The following COLGALT2 variants were observed in gnomAD, a reference collection of about 807,000 sequenced individuals.
The protein encoded by COLGALT2 is collagen beta(1-O)galactosyltransferase 2.
Under a neutral mutation model 73.4 loss-of-function variants are expected in COLGALT2, and 49 were observed. The ratio of observed to expected loss-of-function variants is 0.67; its 90% CI spans 0.53 to 0.85. The LOEUF is 0.85. Ranked by LOEUF, COLGALT2 falls within the 40% of genes least tolerant of loss-of-function variation. COLGALT2 has a pLI of 0.00. For synonymous variants in COLGALT2, 295 were observed against 307.6 expected, an observed-to-expected ratio of 0.96 and a Z score of 0.43; for missense variants, 722 against 790.2, an observed-to-expected ratio of 0.91 and a Z score of 1.03.
Position 183,973,618 on chromosome 1 carries a change from T to C in COLGALT2, c.625A>G (p.Lys209Glu), listed in dbSNP as rs774867094. Reference sequence around the variant, plus strand: ...ATTCATTTAAGCAAAAGACTTGCCTTAGGGGTGATTCCGCACCAGAAATTA... The same window carrying C: ...ATTCATTTAAGCAAAAGACTTGCCTCAGGGGTGATTCCGCACCAGAAATTA... ...YSNFWCGITP[K>E]GFYKRTPDYV... The change falls in exon 4 of 12, where the codon AAG (lysine) becomes GAG (glutamate). Residue 209 changes from lysine (K) to glutamate (E), a missense_variant and splice_region_variant. Coordinates refer to ENST00000361927, the MANE Select transcript of COLGALT2 (RefSeq NM_015101.4). The C allele has an allele frequency of 5.6e-6, 9 of 1,614,016 alleles. No homozygotes were observed. The highest frequency in any genetic ancestry group is 1.1e-5 in the South Asian group (1 of 91,040).
chr1:183,956,737 T>C (rs2102800741), intron 6 of COLGALT2, among the ~76,000 whole-genome samples: 1 of 151,972 alleles, frequency 6.6e-6, no homozygotes, highest in East Asian at 1.9e-4. Flanking sequence ...AGGACAAGTG[T>C]TGCAAAAAAA....
At chr1:184,020,326 T>C (rs73050949) in intron 1 of COLGALT2, among the ~76,000 whole-genome samples, 44,376 of 152,024 alleles carry the variant, frequency 0.29, 7,698 homozygotes, top group African/African-American at 0.48. Flanking sequence ...TTGAATAATA[T>C]AGTTAAATGG....
At chr1:183,972,913 A>T (rs897896866) in intron 4 of COLGALT2, among the ~76,000 whole-genome samples, 1 of 152,094 alleles carries the variant, frequency 6.6e-6, no homozygotes. Context: ...GTTAGCCAGG[A>T]TGGTCTCAAT....
intron 1 of COLGALT2, among the ~76,000 whole-genome samples, chr1:183,981,033 T>TA (rs1038630021): frequency 6.6e-6 from 1 of 151,880 alleles, no homozygotes; most frequent in African/African-American, 2.4e-5. Context: ...AAGCAGATAC[T>TA]AAAAAAATAA....
At chr1:183,951,135 A>T in intron 7 of COLGALT2, 22 bp from the exon 8 acceptor site, 1 of 1,538,786 alleles carries the variant, frequency 6.5e-7, no homozygotes, top group South Asian at 1.1e-5. Context: ...AGGAAAAGGG[A>T]AAAGACACAT....
chr1:184,017,701 AAATGTG>A (rs1328265947), intron 1 of COLGALT2, among the ~76,000 whole-genome samples: 1 of 152,224 alleles, frequency 6.6e-6, no homozygotes, highest in African/African-American at 2.4e-5. Context: ...TTACCAAAAC[AAATGTG>A]AATACATTGT....
intron 1 of COLGALT2, among the ~76,000 whole-genome samples, chr1:183,994,705 T>A (rs1671726886): frequency 6.6e-6 from 1 of 152,220 alleles, no homozygotes; most frequent in Non-Finnish European, 1.5e-5. Flanking sequence ...TCCGCCCGCC[T>A]TGGCCTCCCA....
At chr1:183,972,096 G>A (rs559440096) in intron 4 of COLGALT2, among the ~76,000 whole-genome samples, 1 of 152,306 alleles carries the variant, frequency 6.6e-6, no homozygotes, top group Non-Finnish European at 1.5e-5. Flanking sequence ...CTTTGGCCAT[G>A]AGAATACATT....
At chr1:183,978,116 A>C (rs1258764566) in intron 2 of COLGALT2, among the ~76,000 whole-genome samples, 1 of 152,176 alleles carries the variant, frequency 6.6e-6, no homozygotes, top group Non-Finnish European at 1.5e-5. Flanking sequence ...CAAATATAAA[A>C]GTTTGTTTAA....
At chr1:183,973,481 A>G (rs1671104894) in intron 4 of COLGALT2, 135 bp downstream of exon 4, 1 of 1,137,046 alleles carries the variant, frequency 8.8e-7, no homozygotes, top group Non-Finnish European at 1.3e-6. Flanking sequence ...CCTTCCTAAA[A>G]AATGCTTGCT....
At position 183,948,171 on chromosome 1, in the gene COLGALT2, C is replaced by T. The variant is rs569523058; in HGVS notation, c.1137-2607G>A. Among the ~76,000 whole-genome samples the T allele has an allele frequency of 3.9e-5, 6 of 152,144 alleles. No homozygotes were observed. The South Asian group carries it at 1.2e-3, about 32-fold the overall frequency. On this transcript the variant is annotated intron_variant, in intron 8 of 11. Transcript: ENST00000361927. ...CTGCCAAATGTTTAAAAATTGTTAA[C>T]ACGAATCTTTCACAAACTTCCAAAA...
At position 184,037,429 on chromosome 1, in the gene COLGALT2, G is replaced by A. The variant is rs1013639291; in HGVS notation, c.-72C>T. ...GGCTGGGCTGCCTGAGGGCGGCGGC[G>A]GCTGCCGGGGAGCAAGGGGCTGCGA... On this transcript the variant is annotated 5_prime_UTR_variant, in exon 1 of 12. Coordinates refer to ENST00000361927, the MANE Select transcript of COLGALT2 (RefSeq NM_015101.4). 3.2e-6 allele frequency: 4 copies of A among 1,267,616 alleles called. 1 individual carries two copies. The highest frequency in any genetic ancestry group is 4.3e-5 in the Admixed American group (1 of 23,356). 78.5% of individuals were successfully genotyped at this position (1,267,616 alleles called of 1,614,324 possible).
At chr1:183,999,975 T>C (rs969857233) in intron 1 of COLGALT2, among the ~76,000 whole-genome samples, 2 of 152,024 alleles carry the variant, frequency 1.3e-5, no homozygotes, top group African/African-American at 2.4e-5. Context: ...GTTTATTCTG[T>C]TTTTTTACCC....
At chr1:184,021,859 T>C (rs915240461) in intron 1 of COLGALT2, among the ~76,000 whole-genome samples, 1 of 152,204 alleles carries the variant, frequency 6.6e-6, no homozygotes, top group African/African-American at 2.4e-5. Flanking sequence ...TGGGAGGAGT[T>C]TGAACAAGTA....
rs377270131 is a variant in COLGALT2 at position 184,013,136 on chromosome 1, G to A, written c.263+23959C>T. The stretch of plus-strand genomic sequence containing the variant: ...TCAAGACCAGCTTGGCCACCATGGT[G>A]AAACCTCATCTGTACTAAAAATACA... On this transcript the variant is annotated intron_variant, in intron 1 of 11. Coordinates refer to ENST00000361927, the MANE Select transcript of COLGALT2 (RefSeq NM_015101.4). Among the ~76,000 whole-genome samples the A allele has an allele frequency of 1.7e-4, 26 of 152,324 alleles. No individual in the cohort carries two copies. The South Asian group carries it at 5.4e-3, about 32-fold the overall frequency.
chr1:183,995,101 C>T (rs1671736463), intron 1 of COLGALT2, among the ~76,000 whole-genome samples: 1 of 151,722 alleles, frequency 6.6e-6, no homozygotes. Flanking sequence ...AGAAAAAAAA[C>T]AAAGAGAAGA....
At chr1:184,028,990 C>A (rs902480595) in intron 1 of COLGALT2, among the ~76,000 whole-genome samples, 2 of 152,170 alleles carry the variant, frequency 1.3e-5, no homozygotes, top group Non-Finnish European at 2.9e-5. Flanking sequence ...TCAGCCCTAG[C>A]AAGATGTCAT....
intron 7 of COLGALT2, 73 bp downstream of exon 7, chr1:183,954,689 G>T: frequency 1.6e-6 from 2 of 1,212,630 alleles, no homozygotes; most frequent in South Asian, 1.3e-5. Flanking sequence ...GCAAGCTCAG[G>T]CTTGTGTTCC....
intron 9 of COLGALT2, 58 bp downstream of exon 9, chr1:183,945,374 T>C (rs1670220612): frequency 1.3e-6 from 2 of 1,588,396 alleles, no homozygotes; most frequent in Admixed American, 3.4e-5. Flanking sequence ...TCACCTACGA[T>C]AGCCTGCTTT....
Sources: allele counts gnomAD v4.1 joint callset (sites outside exome capture counted in the v4.1 genomes callset), GRCh38; gene constraint gnomAD v4.1.1; transcripts MANE v1.5; gene names NCBI Gene and HGNC (gene_info 2026-07-23, HGNC 2026-07-21).